The following URGCP variants were observed in gnomAD, a reference collection of about 807,000 sequenced individuals.
The protein encoded by URGCP is up-regulator of cell proliferation.
In URGCP, 13 loss-of-function variants were observed where a neutral mutation model predicts 24.6. That is an observed-to-expected ratio of 0.53 (90% CI 0.34 to 0.84). The LOEUF is 0.84. Ranked by LOEUF, URGCP falls within the 40% of genes least tolerant of loss-of-function variation. URGCP has a pLI of 0.01. For missense variants in URGCP, 899 were observed against 1,194.3 expected, an observed-to-expected ratio of 0.75 and a Z score of 3.64; for synonymous variants, 444 against 487.2, an observed-to-expected ratio of 0.91 and a Z score of 1.17.
chr7:43,919,912 T>G, intron 1 of URGCP: 1 of 1,314,534 alleles, frequency 7.6e-7, no homozygotes, highest in Non-Finnish European at 1.1e-6. Flanking sequence ...GAGGCCTTCC[T>G]GGAGCCGTTC....
chr7:43,902,258 T>C (rs2095892455), intron 1 of URGCP, among the ~76,000 whole-genome samples: 1 of 152,134 alleles, frequency 6.6e-6, no homozygotes, highest in South Asian at 2.1e-4. Flanking sequence ...GAGGAACAAC[T>C]GGCCTTGGGT....
intron 3 of URGCP, among the ~76,000 whole-genome samples, chr7:43,884,443 G>A (rs6945889): frequency 0.017 from 2,514 of 152,276 alleles, 62 homozygotes; most frequent in African/African-American, 0.057. Context: ...ACGGAACACA[G>A]GGACAGAGGA....
Position 43,878,507 on chromosome 7 carries a change from G to A in URGCP, c.956C>T (p.Pro319Leu), listed in dbSNP as rs1440022193. 1 of 1,614,066 alleles carries A rather than the reference G, an allele frequency of 6.2e-7. No individual in the cohort carries two copies. Among genetic ancestry groups the A allele is most frequent in the African/African-American group, 1.3e-5 (1 of 74,920 alleles). The part of the protein sequence containing the change: ...DGLVEISWFF[P>L]SGREDLDIFP... ...AATGTCCAAGTCCTCCCTTCCGCTG[G>A]GAAAAAACCAGGAAATTTCTACCAA... is the stretch of plus-strand genomic sequence containing the variant. The change falls in exon 6 of 6, where the codon CCC (proline) becomes CTC (leucine). Residue 319 changes from proline (P) to leucine (L), a missense_variant. By Grantham distance (98) the Pro-to-Leu change is moderately conservative (BLOSUM62 -3). Coordinates refer to ENST00000453200, the MANE Select transcript of URGCP (RefSeq NM_001077663.3). This position sits in a 1 kb window ranked among gnomAD's most constrained non-coding sequence, Gnocchi z 5.6.
At chr7:43,883,413 C>T (rs184241357) in intron 3 of URGCP, among the ~76,000 whole-genome samples, 2,251 of 136,784 alleles carry the variant, frequency 0.016, 49 homozygotes, top group African/African-American at 0.059. Context: ...CAGACTGGAG[C>T]GCAGTGGCGC....
chr7:43,904,703 G>T (rs150775590), intron 1 of URGCP, among the ~76,000 whole-genome samples: 127 of 152,308 alleles, frequency 8.3e-4, no homozygotes, highest in African/African-American at 2.9e-3. Flanking sequence ...TAACAACAGG[G>T]ATACATTCTG....
chr7:43,914,496 G>A (rs2095913467), intron 1 of URGCP, among the ~76,000 whole-genome samples: 1 of 152,134 alleles, frequency 6.6e-6, no homozygotes, highest in South Asian at 2.1e-4. Context: ...CAGGATGAGA[G>A]TGTCTCAAAA....
At chr7:43,915,748 C>T (rs894078059) in intron 1 of URGCP, among the ~76,000 whole-genome samples, 1 of 152,254 alleles carries the variant, frequency 6.6e-6, no homozygotes, top group Non-Finnish European at 1.5e-5. Flanking sequence ...ATGGCTCATG[C>T]CTGTAATCCC....
chr7:43,909,258 T>C (rs1195435668), upstream of URGCP, among the ~76,000 whole-genome samples: 1 of 152,152 alleles, frequency 6.6e-6, no homozygotes, highest in Non-Finnish European at 1.5e-5. Flanking sequence ...TACACACATA[T>C]GTATACATAT....
At chr7:43,885,210 C>G (rs1475066120) in intron 3 of URGCP, among the ~76,000 whole-genome samples, 3 of 151,996 alleles carry the variant, frequency 2.0e-5, no homozygotes, top group Non-Finnish European at 4.4e-5. Flanking sequence ...GAGCGATTCT[C>G]CTGCCTCAAC....
intron 1 of URGCP, among the ~76,000 whole-genome samples, chr7:43,925,473 C>T (rs2095928119): frequency 6.6e-6 from 1 of 152,036 alleles, no homozygotes; most frequent in African/African-American, 2.4e-5. Context: ...GTGAAATGCA[C>T]TGATATTTTA....
chr7:43,919,343 C>A (rs950110712), intron 1 of URGCP: 20 of 843,118 alleles, frequency 2.4e-5, no homozygotes, highest in Non-Finnish European at 4.2e-5. Flanking sequence ...TTGCCACAGA[C>A]CAGATCCTGC....
chr7:43,911,478 C>A (rs1183346548), upstream of URGCP, among the ~76,000 whole-genome samples: 2 of 151,564 alleles, frequency 1.3e-5, no homozygotes, highest in African/African-American at 4.9e-5. Flanking sequence ...GGTGGATCAC[C>A]TGAGGTCAGG....
intron 4 of URGCP, 85 bp downstream of exon 4, chr7:43,881,822 C>T: frequency 6.2e-7 from 1 of 1,606,108 alleles, no homozygotes; most frequent in East Asian, 2.2e-5. Flanking sequence ...CCCAATTGTT[C>T]TAAATATAAA....
chr7:43,899,149 A>G (rs2095884874), intron 1 of URGCP, among the ~76,000 whole-genome samples: 1 of 143,764 alleles, frequency 7.0e-6, no homozygotes, highest in South Asian at 2.1e-4. Flanking sequence ...GTGTATATAT[A>G]TATTTATATA....
intron 1 of URGCP, among the ~76,000 whole-genome samples, chr7:43,900,480 AAAAAAAG>A (rs2095888476): frequency 6.7e-6 from 1 of 149,626 alleles, no homozygotes; most frequent in African/African-American, 2.5e-5. Context: ...AAAAAAAAAA[AAAAAAAG>A]AAAAAGAAAA....
exon 1 of URGCP, chr7:43,926,374 C>T (rs2095930449): frequency 2.2e-6 from 1 of 453,730 alleles, no homozygotes; most frequent in East Asian, 7.2e-5. Flanking sequence ...CTCGGCCGCG[C>T]CAGGACGCTC....
At chr7:43,881,018 G>T in intron 5 of URGCP, 1 of 602,898 alleles carries the variant, frequency 1.7e-6, no homozygotes, top group Middle Eastern at 3.9e-4. Flanking sequence ...GAACATTAGG[G>T]GACCTATGAA....
intron 1 of URGCP, 187 bp downstream of exon 1, chr7:43,906,356 CCGCCCGCCCCCCACGCCCG>C (rs1360776175): frequency 3.0e-6 from 1 of 330,898 alleles, no homozygotes; most frequent in Non-Finnish European, 3.9e-6. Context: ...GCCGGCGCCC[CCGCCCGCCCCCCACGCCCG>C]CGCGGCCGGT....
intron 1 of URGCP, among the ~76,000 whole-genome samples, chr7:43,899,180 T>C (rs1001998682): frequency 1.4e-5 from 2 of 147,620 alleles, no homozygotes; most frequent in Non-Finnish European, 3.0e-5. Flanking sequence ...TATAAATATA[T>C]ATTTATAATA....
Sources: gnomAD v4.1 joint callset for allele counts (sites outside exome capture counted in the v4.1 genomes callset) on GRCh38, gnomAD v4.1.1 for gene constraint, Gnocchi (gnomAD v3.1) non-coding constraint, MANE v1.5 for transcripts, NCBI Gene and HGNC (gene_info 2026-07-23, HGNC 2026-07-21) for gene names.